The following STK11 variants were observed in gnomAD, a reference collection of about 807,000 sequenced individuals.
STK11 encodes serine/threonine kinase 11.
STK11 carries 8 observed loss-of-function variants against 47.3 expected under a neutral mutation model. The observed-to-expected ratio is 0.17, with a 90% CI of 0.10 to 0.31. STK11 has a LOEUF of 0.31. Ranked by LOEUF, STK11 falls within the 10% of genes least tolerant of loss-of-function variation. The pLI is 1.00. For synonymous variants in STK11, 330 were observed against 255.8 expected, an observed-to-expected ratio of 1.29 and a Z score of -2.77; for missense variants, 475 against 605.0, an observed-to-expected ratio of 0.79 and a Z score of 2.25.
chr19:1,221,283 A>G lies in STK11; in HGVS notation c.805A>G (p.Lys269Glu), dbSNP rs1599927641. The G allele has an allele frequency of 6.2e-7, 1 of 1,611,762 alleles. No individual in the cohort carries two copies. Among genetic ancestry groups the G allele is most frequent in the Non-Finnish European group, 8.5e-7 (1 of 1,179,290 alleles). The change falls in exon 6 of 10, where the codon AAG (lysine) becomes GAG (glutamate). Residue 269 changes from lysine (K) to glutamate (E), a missense_variant. Physicochemically the swap from Lys to Glu is moderately conservative, Grantham distance 56. Coordinates refer to ENST00000326873, the MANE Select transcript of STK11 (RefSeq NM_000455.5). ...CTACAAGTTGTTTGAGAACATCGGG[A>G]AGGGGAGCTACGCCATCCCGGGCGA... ...NIYKLFENIG[K>E]GSYAIPGDCG...
intron 3 of STK11, chr19:1,219,991 C>T (rs571759603): frequency 2.0e-4 from 45 of 228,836 alleles, no homozygotes; most frequent in Middle Eastern, 3.3e-3. Flanking sequence ...CGCTGGCAGC[C>T]GCCTGCCCTG....
intron 8 of STK11, 131 bp downstream of exon 8, chr19:1,223,303 TC>T: frequency 8.6e-7 from 1 of 1,163,008 alleles, no homozygotes; most frequent in Non-Finnish European, 1.2e-6. Flanking sequence ...CCCCAAAGCC[TC>T]CAGCCCACCT....
chr19:1,217,071 C>T (rs1373644843), intron 1 of STK11, among the ~76,000 whole-genome samples: 3 of 151,994 alleles, frequency 2.0e-5, no homozygotes, highest in Admixed American at 1.3e-4. Flanking sequence ...TCCGTTTCTG[C>T]GTGGCGTGTA....
intron 8 of STK11, chr19:1,223,727 C>T (rs558436789): frequency 1.8e-5 from 19 of 1,040,718 alleles, no homozygotes; most frequent in Admixed American, 5.5e-5. Flanking sequence ...GGAAGCCTCT[C>T]GGCCGGCGCC....
intron 3 of STK11, 30 bp downstream of exon 3, chr19:1,219,443 G>GCC (rs1568705920): frequency 1.3e-6 from 2 of 1,535,104 alleles, no homozygotes; most frequent in South Asian, 2.4e-5. Flanking sequence ...GCCAGGGTGG[G>GCC]GCGGGGGCCG....
At chr19:1,208,704 G>A (rs1188631265) in intron 1 of STK11, among the ~76,000 whole-genome samples, 4 of 121,182 alleles carry the variant, frequency 3.3e-5, no homozygotes, top group South Asian at 3.0e-4. Context: ...TGCAATCTCC[G>A]CCCCCTGGGT....
At chr19:1,221,813 G>T in intron 6 of STK11, 136 bp from the exon 7 acceptor site, 1 of 961,592 alleles carries the variant, frequency 1.0e-6, no homozygotes. Flanking sequence ...CAGGGAGACC[G>T]CCTGTGCGCG....
chr19:1,218,987 G>C (rs1158484379), intron 2 of STK11, among the ~76,000 whole-genome samples: 1 of 152,186 alleles, frequency 6.6e-6, no homozygotes, highest in African/African-American at 2.4e-5. Context: ...CACGCGGTCA[G>C]GGGCCCTGGG....
intron 1 of STK11, among the ~76,000 whole-genome samples, chr19:1,210,961 G>C (rs2145411410): frequency 6.6e-6 from 1 of 152,202 alleles, no homozygotes; most frequent in Non-Finnish European, 1.5e-5. Flanking sequence ...AGAAGTTTGA[G>C]ACCAGCGTGG....
At chr19:1,217,208 T>A (rs912271878) in intron 1 of STK11, among the ~76,000 whole-genome samples, 2 of 152,044 alleles carry the variant, frequency 1.3e-5, no homozygotes, top group Non-Finnish European at 2.9e-5. Flanking sequence ...GTCATTTTTG[T>A]TTTTGTTTAA....
At chr19:1,208,784 A>T (rs796347676) in intron 1 of STK11, among the ~76,000 whole-genome samples, 6 of 121,772 alleles carry the variant, frequency 4.9e-5, no homozygotes, top group Admixed American at 8.6e-5. Flanking sequence ...TGCCCAGCTA[A>T]TTTTTTTTTT....
intron 6 of STK11, 96 bp downstream of exon 6, chr19:1,221,436 C>T (rs912320163): frequency 1.1e-5 from 16 of 1,455,472 alleles, no homozygotes; most frequent in African/African-American, 2.8e-5. Flanking sequence ...CTATTGGCCC[C>T]GAGACCCCAG....
intron 2 of STK11, 135 bp downstream of exon 2, chr19:1,218,635 T>G: frequency 7.7e-6 from 6 of 780,744 alleles, no homozygotes; most frequent in Non-Finnish European, 1.3e-5. Flanking sequence ...CCTTCCCTGG[T>G]TCCCCGGAAG....
intron 3 of STK11, 98 bp downstream of exon 3, chr19:1,219,511 T>C (rs976397961): frequency 1.1e-5 from 15 of 1,330,956 alleles, no homozygotes; most frequent in Admixed American, 5.0e-5. Context: ...CTGATATTCA[T>C]TGACATGAAG....
chr19:1,218,802 C>T (rs779180607), intron 2 of STK11, among the ~76,000 whole-genome samples: 5 of 152,344 alleles, frequency 3.3e-5, no homozygotes, highest in Middle Eastern at 3.4e-3. Context: ...ACAGGCCACG[C>T]GGGCTGACCG....
rs560810425 is a variant in STK11 at position 1,210,232 on chromosome 19, A to T, written c.290+3029A>T. Reference sequence around the variant, plus strand: ...GTGCTGTCAAGGAGAAGGGGTGTCCACTGCCCAGCCCTGAGGCCCAAGGCC... The same window carrying T: ...GTGCTGTCAAGGAGAAGGGGTGTCCTCTGCCCAGCCCTGAGGCCCAAGGCC... On this transcript the variant is annotated intron_variant, in intron 1 of 9. Transcript: ENST00000326873. 2.6e-5 allele frequency among the ~76,000 whole-genome samples: 4 copies of T among 152,298 alleles called. No individual in the cohort carries two copies. The East Asian group carries it at 5.8e-4, about 22-fold the overall frequency.
intron 1 of STK11, among the ~76,000 whole-genome samples, chr19:1,217,650 C>T (rs1568702304): frequency 6.6e-6 from 1 of 152,158 alleles, no homozygotes; most frequent in Admixed American, 6.5e-5. Context: ...GTGGCGTCTC[C>T]TTCTTCGCCT....
intron 1 of STK11, among the ~76,000 whole-genome samples, chr19:1,215,210 T>C (rs1382390403): frequency 7.6e-6 from 1 of 130,880 alleles, no homozygotes; most frequent in Non-Finnish European, 1.8e-5. Flanking sequence ...CTCAATGCCC[T>C]GGGTGCCTGC....
Position 1,228,087 on chromosome 19 carries a change from T to C in STK11, c.*511T>C. 1.9e-6 allele frequency: 2 copies of C among 1,062,046 alleles called. No individual in the cohort carries two copies. Among genetic ancestry groups the C allele is most frequent in the Non-Finnish European group, 2.3e-6 (2 of 877,972 alleles). 65.8% of individuals were successfully genotyped at this position (1,062,046 alleles called of 1,614,324 possible). Reference sequence around the variant, plus strand: ...TTTTTTTTTAAGAAAAAATAAAAGGTGGATTTGAGCTGTGGCTGTGAGGGG... The same window carrying C: ...TTTTTTTTTAAGAAAAAATAAAAGGCGGATTTGAGCTGTGGCTGTGAGGGG... On this transcript the variant is annotated 3_prime_UTR_variant, in exon 10 of 10. Coordinates refer to ENST00000326873, the MANE Select transcript of STK11 (RefSeq NM_000455.5).
Sources: gnomAD v4.1 joint callset for allele counts (sites outside exome capture counted in the v4.1 genomes callset) on GRCh38, gnomAD v4.1.1 for gene constraint, MANE v1.5 for transcripts, NCBI Gene and HGNC (gene_info 2026-07-23, HGNC 2026-07-21) for gene names.